The following IQCM variants were observed in gnomAD, a reference collection of about 807,000 sequenced individuals.
IQCM encodes IQ motif containing M.
A neutral mutation model predicts 57.6 loss-of-function variants in IQCM; 45 were observed. The ratio of observed to expected loss-of-function variants is 0.78; its 90% CI spans 0.62 to 1.00. IQCM has a LOEUF of 1.00. Ranked by LOEUF, IQCM falls within the 50% of genes least tolerant of loss-of-function variation. The pLI, the probability that IQCM is intolerant of heterozygous loss-of-function variation, is 0.00. For missense variants in IQCM, 468 were observed against 511.6 expected, an observed-to-expected ratio of 0.91 and a Z score of 0.82; for synonymous variants, 148 against 158.9, an observed-to-expected ratio of 0.93 and a Z score of 0.51.
chr4:149,751,563 T>C (rs974241916), intron 2 of IQCM, among the ~76,000 whole-genome samples: 5 of 152,180 alleles, frequency 3.3e-5, no homozygotes, highest in Non-Finnish European at 5.9e-5. Context: ...TTAACCCTCA[T>C]AGACTAAGCT....
At chr4:149,470,655 A>T (rs972334070) in intron 12 of IQCM, among the ~76,000 whole-genome samples, 1 of 152,146 alleles carries the variant, frequency 6.6e-6, no homozygotes, top group Non-Finnish European at 1.5e-5. Context: ...TCCACCACAA[A>T]CCAACAGAAT....
chr4:149,815,414 C>T (rs1774964961), intron 1 of IQCM, 66 bp from the exon 2 acceptor site: 1 of 151,848 alleles, frequency 6.6e-6, no homozygotes, highest in Non-Finnish European at 1.5e-5. Context: ...ACATTGTCAA[C>T]CATATATCTT....
intron 5 of IQCM, among the ~76,000 whole-genome samples, chr4:149,714,169 A>T (rs1764796828): frequency 6.6e-6 from 1 of 152,192 alleles, no homozygotes; most frequent in South Asian, 2.1e-4. Context: ...AATCTAACAC[A>T]GTAGATCCAA....
chr4:149,397,686 A>G lies in IQCM; in HGVS notation c.1390+35710T>C, dbSNP rs1560802467. Among the ~76,000 whole-genome samples, 5 of 152,166 alleles carry G rather than the reference A, an allele frequency of 3.3e-5. No individual in the cohort carries two copies. The South Asian group carries it at 8.3e-4, about 25-fold the overall frequency. On this transcript the variant is annotated intron_variant, in intron 13 of 13. Transcript: ENST00000636793. ...TATAGCAGTGTGAAAATGGACTAAT[A>G]CAACAATTTTTTAGTCTTTTTTGGA...
intron 12 of IQCM, among the ~76,000 whole-genome samples, chr4:149,526,137 T>G (rs1039031773): frequency 5.9e-5 from 9 of 151,932 alleles, no homozygotes; most frequent in African/African-American, 1.7e-4. Context: ...CAATCAAAAT[T>G]AAAAATATTT....
At chr4:149,361,689 A>G (rs1729498907) in intron 13 of IQCM, among the ~76,000 whole-genome samples, 2 of 152,142 alleles carry the variant, frequency 1.3e-5, no homozygotes, top group Non-Finnish European at 2.9e-5. Context: ...TAGATTTCAG[A>G]AGATGTATGG....
chr4:149,538,901 A>T (rs1006441853), intron 12 of IQCM, among the ~76,000 whole-genome samples: 4 of 152,054 alleles, frequency 2.6e-5, no homozygotes, highest in African/African-American at 9.6e-5. Flanking sequence ...GGGAAAAAAA[A>T]TGCTTGCAAA....
At chr4:149,745,311 A>T (rs1561226306) in intron 2 of IQCM, among the ~76,000 whole-genome samples, 1 of 152,250 alleles carries the variant, frequency 6.6e-6, no homozygotes, top group Non-Finnish European at 1.5e-5. Flanking sequence ...GGGCATTGAC[A>T]TAACCAACGT....
intron 12 of IQCM, among the ~76,000 whole-genome samples, chr4:149,436,056 G>A (rs1475927606): frequency 2.0e-5 from 3 of 152,064 alleles, no homozygotes; most frequent in Non-Finnish European, 4.4e-5. Context: ...GTCTACAGTA[G>A]TGTACAGTCA....
chr4:149,405,558 T>TA (rs560338743), intron 13 of IQCM, among the ~76,000 whole-genome samples: 2,147 of 138,584 alleles, frequency 0.015, 53 homozygotes, highest in African/African-American at 0.052. Context: ...TAAAGTATAA[T>TA]AAAAAAAAAA....
chr4:149,625,340 A>T (rs1464564263), intron 7 of IQCM, among the ~76,000 whole-genome samples: 1 of 152,216 alleles, frequency 6.6e-6, no homozygotes, highest in Admixed American at 6.5e-5. Context: ...TTCAATGAAA[A>T]CAAAGATTTG....
chr4:149,792,113 A>T (rs994974491), intron 2 of IQCM, among the ~76,000 whole-genome samples: 4 of 152,132 alleles, frequency 2.6e-5, no homozygotes, highest in Admixed American at 2.6e-4. Flanking sequence ...CTGGTTTGCT[A>T]AGGAAATACT....
intron 8 of IQCM, among the ~76,000 whole-genome samples, chr4:149,618,898 C>A (rs973751462): frequency 6.6e-6 from 1 of 151,922 alleles, no homozygotes; most frequent in African/African-American, 2.4e-5. Flanking sequence ...AGTTAGTACA[C>A]CCTCTATGGG....
intron 12 of IQCM, among the ~76,000 whole-genome samples, chr4:149,490,704 C>G (rs1429032089): frequency 6.6e-6 from 1 of 152,068 alleles, no homozygotes; most frequent in Non-Finnish European, 1.5e-5. Flanking sequence ...ATATGTATAA[C>G]AGCTCCCATA....
chr4:149,588,418 G>A (rs1182581883), intron 8 of IQCM, among the ~76,000 whole-genome samples: 1 of 151,844 alleles, frequency 6.6e-6, no homozygotes, highest in Admixed American at 6.6e-5. Flanking sequence ...CTGATAATTT[G>A]TGATATTTGA....
At chr4:149,692,186 G>A (rs950118670) in intron 5 of IQCM, among the ~76,000 whole-genome samples, 7 of 152,198 alleles carry the variant, frequency 4.6e-5, no homozygotes, top group Non-Finnish European at 7.3e-5. Context: ...CAGGGAGCCT[G>A]TGCACCAAAT....
Position 149,508,125 on chromosome 4 carries a change from C to G in IQCM, c.1228+40330G>C, listed in dbSNP as rs187132053. On this transcript the variant is annotated intron_variant, in intron 12 of 13. Transcript: ENST00000636793. ...TAGATTTCAAAGATATATGGAAATGCCTGGATGCCCAGGTAGAAGTTTGCT... is the reference window on the plus strand; with the variant it reads ...TAGATTTCAAAGATATATGGAAATGGCTGGATGCCCAGGTAGAAGTTTGCT... Among the ~76,000 whole-genome samples the G allele has an allele frequency of 1.6e-3, 237 of 152,062 alleles. 1 individual carries two copies. Among genetic ancestry groups the G allele is most frequent in the Middle Eastern group, 3.4e-3 (1 of 294 alleles).
rs540099236 is a variant in IQCM, at chr4:149,707,747, CCTGA to C, written c.386-21283_386-21280del. ...AATAATGTTCTTGTCTCTAATGAGT[CCTGA>C]CTGTGTCTTCTGCCTATACCCATGA... is the stretch of plus-strand genomic sequence containing the variant. On this transcript the variant is annotated intron_variant, in intron 5 of 13. Transcript: ENST00000636793. Among the ~76,000 whole-genome samples, 12 of 152,118 alleles carry C rather than the reference CCTGA, an allele frequency of 7.9e-5. No homozygotes were observed. In the South Asian group the frequency reaches 1.5e-3, roughly 18 times the overall value.
At chr4:149,472,529 G>A (rs552825014) in intron 12 of IQCM, among the ~76,000 whole-genome samples, 4 of 152,244 alleles carry the variant, frequency 2.6e-5, no homozygotes, top group Admixed American at 1.3e-4. Context: ...TCAATATTGT[G>A]AAAATGGCCA....
Sources: gnomAD v4.1 joint callset for allele counts (sites outside exome capture counted in the v4.1 genomes callset) on GRCh38, gnomAD v4.1.1 for gene constraint, MANE v1.5 for transcripts, NCBI Gene and HGNC (gene_info 2026-07-23, HGNC 2026-07-21) for gene names.